Variants in ABCA13 observed in about 807,000 individuals in gnomAD.
ABCA13 encodes the protein ATP binding cassette subfamily A member 13, also known as ATP-binding cassette sub-family A member 13.
A neutral mutation model predicts 478.7 loss-of-function variants in ABCA13; 476 were observed. The ratio of observed to expected loss-of-function variants is 0.99; its 90% CI spans 0.92 to 1.07. The LOEUF (loss-of-function observed/expected upper bound fraction) is 1.07. Among genes scored for constraint, ABCA13 ranks in the 50% least tolerant of loss-of-function variants. The pLI, the probability that ABCA13 is intolerant of heterozygous loss-of-function variation, is 0.00. For synonymous variants in ABCA13, 2,252 were observed against 2,158.9 expected (o/e 1.04, Z -1.20); for missense variants, 6,060 against 5,910.6 (o/e 1.03, Z -0.83).
intron 28 of ABCA13, 77 bp from the exon 29 acceptor site, chr7:48,338,288 G>C (rs1235001034): frequency 2.8e-6 from 3 of 1,086,756 alleles, no homozygotes; most frequent in Non-Finnish European, 2.5e-6. Flanking sequence ...ATGAAACTTT[G>C]AATAAGTCTA....
At chr7:48,203,058 C>T (rs942668679) in intron 3 of ABCA13, among the ~76,000 whole-genome samples, 2 of 152,242 alleles carry the variant, frequency 1.3e-5, no homozygotes, top group Non-Finnish European at 1.5e-5. Context: ...GCCTGCCCCA[C>T]GGGAAGGCAG....
Position 48,594,193 on chromosome 7 carries a change from A to G in ABCA13, c.14641-517A>G, listed in dbSNP as rs182259653. 2.8e-3 allele frequency among the ~76,000 whole-genome samples: 423 copies of G among 152,098 alleles called. 4 individuals carry two copies. The highest frequency in any genetic ancestry group is 9.7e-3 in the African/African-American group (401 of 41,494). The stretch of plus-strand genomic sequence containing the variant: ...TTTTATTTTGTAAATCTCATATTGT[A>G]AAAGTTAGGTCTCTGGATAATGTGC... On this transcript the variant is annotated intron_variant, in intron 57 of 61. Transcript: ENST00000435803.
intron 48 of ABCA13, among the ~76,000 whole-genome samples, chr7:48,498,638 A>G (rs984716923): frequency 2.6e-5 from 4 of 152,170 alleles, no homozygotes; most frequent in African/African-American, 9.6e-5. Flanking sequence ...GAATATGGAA[A>G]GAAAAGGCTA....
At chr7:48,596,412 A>G (rs1327585251) in intron 58 of ABCA13, among the ~76,000 whole-genome samples, 2 of 152,192 alleles carry the variant, frequency 1.3e-5, no homozygotes, top group Non-Finnish European at 1.5e-5. Flanking sequence ...ATGGAATTCT[A>G]TGATTCTTTA....
intron 27 of ABCA13, among the ~76,000 whole-genome samples, chr7:48,327,580 A>C (rs1563058033): frequency 6.6e-6 from 1 of 152,240 alleles, no homozygotes; most frequent in East Asian, 1.9e-4. Flanking sequence ...TATAGATTAA[A>C]AAAGTAGTAA....
intron 13 of ABCA13, among the ~76,000 whole-genome samples, chr7:48,247,784 G>A (rs1158056801): frequency 6.6e-6 from 1 of 151,992 alleles, no homozygotes; most frequent in Non-Finnish European, 1.5e-5. Flanking sequence ...CCACACACAA[G>A]CAAAAACAGG....
At chr7:48,639,852 T>A (rs1022317901) in intron 59 of ABCA13, among the ~76,000 whole-genome samples, 7 of 152,210 alleles carry the variant, frequency 4.6e-5, no homozygotes, top group African/African-American at 1.7e-4. Flanking sequence ...AATCAGAAAC[T>A]GAAATACAGT....
rs570147941 is a variant in ABCA13, at chr7:48,454,303, G to T, written c.12566-734G>T. ...GTGGACAGAAAAGCTGCTCTCCACA[G>T]CTTGTTTGGAACGTGCAACCTCAAC... On this transcript the variant is annotated intron_variant, in intron 42 of 61. Coordinates refer to ENST00000435803, the MANE Select transcript of ABCA13 (RefSeq NM_152701.5). Among the ~76,000 whole-genome samples, 6 of 152,320 alleles carry T rather than the reference G, an allele frequency of 3.9e-5. No homozygotes were observed. The East Asian group carries it at 1.2e-3, about 29-fold the overall frequency.
chr7:48,406,320 G>T (rs1818252665), intron 39 of ABCA13, among the ~76,000 whole-genome samples: 1 of 152,184 alleles, frequency 6.6e-6, no homozygotes, highest in Non-Finnish European at 1.5e-5. Flanking sequence ...CTGCAGAAAT[G>T]ATCAAATGCT....
chr7:48,265,493 G>A (rs1358253186), intron 15 of ABCA13, among the ~76,000 whole-genome samples: 4 of 151,204 alleles, frequency 2.6e-5, no homozygotes, highest in East Asian at 3.9e-4. Context: ...AGTCTTTCAC[G>A]TCTTTTTTCA....
chr7:48,348,036 G>C (rs1303285192), intron 29 of ABCA13, among the ~76,000 whole-genome samples: 2 of 152,194 alleles, frequency 1.3e-5, no homozygotes, highest in Non-Finnish European at 2.9e-5. Flanking sequence ...TAGTCCACAA[G>C]GCCCAGTAGA....
chr7:48,391,867 C>A lies in ABCA13; in HGVS notation c.11655-54C>A, dbSNP rs1032509133. 7 of 1,522,800 alleles carry A rather than the reference C, an allele frequency of 4.6e-6. No homozygotes were observed. The African/African-American group carries it at 8.2e-5, about 18-fold the overall frequency. 94.3% of individuals were successfully genotyped at this position (1,522,800 alleles called of 1,614,324 possible). ...ATCCTGGAGCTGACTGGATTGCTGA[C>A]GTTCACAGTATCAGCAACGCGTATT... On this transcript the variant is annotated intron_variant, in intron 37 of 61. Transcript: ENST00000435803.
At chr7:48,427,635 G>A (rs543029342) in intron 41 of ABCA13, 131 bp from the exon 42 acceptor site, 5 of 623,636 alleles carry the variant, frequency 8.0e-6, no homozygotes, top group Non-Finnish European at 1.4e-5. Context: ...TAAATGGATG[G>A]CTAAATGAAA....
At position 48,455,099 on chromosome 7, in the gene ABCA13, G is replaced by T; in HGVS notation, c.12628G>T (p.Ala4210Ser). The T allele has an allele frequency of 6.4e-7, 1 of 1,551,916 alleles. No individual in the cohort carries two copies. ...GVQLLRAQVA[A>S]ILARRLRRTL... ...CCAGCTGCTCCGCGCACAAGTGGCCGCGATCCTGGCCCGGAGGCTCCGCCG... is the reference window on the plus strand; with the variant it reads ...CCAGCTGCTCCGCGCACAAGTGGCCTCGATCCTGGCCCGGAGGCTCCGCCG... The change falls in exon 43 of 62, where the codon GCG (alanine) becomes TCG (serine). Residue 4210 changes from alanine to serine, a missense_variant. Around this residue, in one of 3 missense-constraint regions of ABCA13, gnomAD observed 1,627 missense variants for 1,571.0 expected, o/e 1.04. Transcript: ENST00000435803.
chr7:48,351,883 C>T (rs1457004374), intron 30 of ABCA13, among the ~76,000 whole-genome samples: 1 of 152,024 alleles, frequency 6.6e-6, no homozygotes, highest in Non-Finnish European at 1.5e-5. Flanking sequence ...AGAAAAAAAC[C>T]CTGCAAAAAA....
chr7:48,310,070 C>G lies in ABCA13; in HGVS notation c.9445C>G (p.Pro3149Ala). 1 of 1,613,876 alleles carries G rather than the reference C, an allele frequency of 6.2e-7. No individual in the cohort carries two copies. Among genetic ancestry groups the G allele is most frequent in the Non-Finnish European group, 8.5e-7 (1 of 1,179,784 alleles). ...CGCAGCGGAGGAACTCTGTAGCCTG[C>G]CAGGGTCAAAAGTGTATTCTCTGAT... Reference protein sequence around the residue: ...WIAAEELCSLPGSKVYSLIVL... With the variant: ...WIAAEELCSLAGSKVYSLIVL... The change falls in exon 24 of 62, where the codon CCA (proline) becomes GCA (alanine). Residue 3149 changes from proline to alanine, a missense_variant. By Grantham distance (27) the Pro-to-Ala change is conservative. Transcript: ENST00000435803.
At chr7:48,191,889 C>A (rs148631931) in intron 1 of ABCA13, among the ~76,000 whole-genome samples, 1,572 of 152,236 alleles carry the variant, frequency 0.01, 7 homozygotes, top group Middle Eastern at 0.054. Context: ...CCAAAGTGAC[C>A]AGAAGTTCAT....
chr7:48,595,425 G>A (rs1790179517), intron 58 of ABCA13, among the ~76,000 whole-genome samples: 1 of 152,134 alleles, frequency 6.6e-6, no homozygotes, highest in South Asian at 2.1e-4. Context: ...AGGCTTTAAT[G>A]TTTAGACTTG....
chr7:48,231,265 A>G lies in ABCA13; in HGVS notation c.763+1310A>G, dbSNP rs1413063645. 2.6e-5 allele frequency among the ~76,000 whole-genome samples: 4 copies of G among 152,218 alleles called. No homozygotes were observed. In the East Asian group the frequency reaches 7.7e-4, roughly 29 times the overall value. The stretch of plus-strand genomic sequence containing the variant: ...ATAAAAAACAAACAAACAAACAAAC[A>G]AAAAACAAAGACCACAGAGTAAGGA... On this transcript the variant is annotated intron_variant, in intron 7 of 61. Coordinates refer to ENST00000435803, the MANE Select transcript of ABCA13 (RefSeq NM_152701.5).
Sources: allele counts gnomAD v4.1 joint callset (sites outside exome capture counted in the v4.1 genomes callset), GRCh38; gene constraint gnomAD v4.1.1; regional missense constraint gnomAD v4.1.1; transcripts MANE v1.5; gene names NCBI Gene and HGNC (gene_info 2026-07-23, HGNC 2026-07-21).